The following ADAMTSL1 variants were observed in gnomAD, a reference collection of about 807,000 sequenced individuals.
ADAMTSL1 encodes the protein ADAMTS like 1.
A neutral mutation model predicts 201.8 loss-of-function variants in ADAMTSL1; 126 were observed. That is an observed-to-expected ratio of 0.62 (90% CI 0.54 to 0.72). The LOEUF is 0.72. ADAMTSL1 is among the 30% of genes least tolerant of loss of function. The pLI, the probability that ADAMTSL1 is intolerant of heterozygous loss-of-function variation, is 0.00. For synonymous variants in ADAMTSL1, 1,121 were observed against 903.4 expected, an observed-to-expected ratio of 1.24 and a Z score of -4.32; for missense variants, 2,679 against 2,277.8, an observed-to-expected ratio of 1.18 and a Z score of -3.59.
At chr9:18,279,812 G>T (rs1832716509) in intron 2 of ADAMTSL1, among the ~76,000 whole-genome samples, 1 of 152,188 alleles carries the variant, frequency 6.6e-6, no homozygotes, top group Admixed American at 6.5e-5. Context: ...ACAGGTGCCA[G>T]CCTGGCACTA....
At chr9:18,065,935 C>T (rs971192473) in intron 1 of ADAMTSL1, among the ~76,000 whole-genome samples, 8 of 137,856 alleles carry the variant, frequency 5.8e-5, no homozygotes, top group African/African-American at 8.4e-5. Context: ...GAGCCGAGAT[C>T]GCCCCCACTG....
At chr9:18,405,230 T>A (rs552707926) in intron 2 of ADAMTSL1, among the ~76,000 whole-genome samples, 1 of 152,312 alleles carries the variant, frequency 6.6e-6, no homozygotes, top group Non-Finnish European at 1.5e-5. Flanking sequence ...GACTTTCTGA[T>A]CATGCCAGCC....
At chr9:18,568,710 T>C (rs1476869416) in intron 3 of ADAMTSL1, among the ~76,000 whole-genome samples, 1 of 146,410 alleles carries the variant, frequency 6.8e-6, no homozygotes, top group African/African-American at 2.5e-5. Context: ...AGAGGAAAAT[T>C]AAGTCAGAAG....
intron 2 of ADAMTSL1, among the ~76,000 whole-genome samples, chr9:18,307,106 C>T (rs555967347): frequency 5.9e-5 from 9 of 152,072 alleles, no homozygotes; most frequent in East Asian, 5.8e-4. Context: ...GCTTCATAAG[C>T]GAAGGGGAAA....
chr9:18,898,634 T>G (rs1388465459), intron 26 of ADAMTSL1, among the ~76,000 whole-genome samples: 1 of 152,188 alleles, frequency 6.6e-6, no homozygotes, highest in Non-Finnish European at 1.5e-5. Context: ...TCAAGTTGGC[T>G]TCATCCCTGG....
At chr9:18,059,002 T>G (rs10963421) in intron 1 of ADAMTSL1, among the ~76,000 whole-genome samples, 69,188 of 152,084 alleles carry the variant, frequency 0.45, 16,305 homozygotes, top group South Asian at 0.53. Context: ...CATTCTCATT[T>G]AAGCCTAAGC....
chr9:18,543,309 C>A (rs562584717), intron 3 of ADAMTSL1, among the ~76,000 whole-genome samples: 1 of 151,306 alleles, frequency 6.6e-6, no homozygotes, highest in African/African-American at 2.4e-5. Flanking sequence ...GGCAACACAT[C>A]TGCAAAAAAT....
chr9:18,712,063 A>C (rs1423823991), intron 14 of ADAMTSL1, among the ~76,000 whole-genome samples: 2 of 150,876 alleles, frequency 1.3e-5, no homozygotes, highest in African/African-American at 4.9e-5. Flanking sequence ...AAACTAACAA[A>C]CAGAAAGGAC....
chr9:18,512,618 A>C, intron 2 of ADAMTSL1, among the ~76,000 whole-genome samples: 1 of 152,172 alleles, frequency 6.6e-6, no homozygotes, highest in East Asian at 1.9e-4. Context: ...AATTTACCAA[A>C]TTATTAATTT....
intron 2 of ADAMTSL1, among the ~76,000 whole-genome samples, chr9:18,274,738 G>T (rs7869664): frequency 5.3e-5 from 8 of 152,132 alleles, no homozygotes; most frequent in African/African-American, 1.7e-4. Flanking sequence ...GAGGCAAATC[G>T]TTGCAAAAGA....
chr9:18,074,584 TTTG>T (rs1043509607), intron 1 of ADAMTSL1, among the ~76,000 whole-genome samples: 13 of 151,552 alleles, frequency 8.6e-5, no homozygotes, highest in African/African-American at 3.2e-4. Context: ...TCTTTCTTTT[TTTG>T]TTGTTGTTGT....
At chr9:18,119,284 A>T (rs1772688836) in intron 1 of ADAMTSL1, among the ~76,000 whole-genome samples, 1 of 149,772 alleles carries the variant, frequency 6.7e-6, no homozygotes, top group African/African-American at 2.4e-5. Context: ...CTTCCTGAAT[A>T]TTTTTTTTTT....
intron 1 of ADAMTSL1, among the ~76,000 whole-genome samples, chr9:18,148,224 A>C (rs1370359208): frequency 6.6e-6 from 1 of 152,008 alleles, no homozygotes; most frequent in African/African-American, 2.4e-5. Context: ...GAAGGGAAAA[A>C]AGCTCACATT....
chr9:18,540,205 A>G (rs1377873657), intron 3 of ADAMTSL1, among the ~76,000 whole-genome samples: 1 of 152,240 alleles, frequency 6.6e-6, no homozygotes, highest in African/African-American at 2.4e-5. Flanking sequence ...GCACTGGCGT[A>G]TAATATTAAC....
intron 16 of ADAMTSL1, among the ~76,000 whole-genome samples, chr9:18,757,186 T>G (rs1819820385): frequency 6.6e-6 from 1 of 152,250 alleles, no homozygotes; most frequent in Non-Finnish European, 1.5e-5. Context: ...CCTTACCAAT[T>G]TATTAATAGC....
chr9:18,036,957 A>G (rs576001024), intron 1 of ADAMTSL1, among the ~76,000 whole-genome samples: 2 of 152,224 alleles, frequency 1.3e-5, no homozygotes, highest in African/African-American at 2.4e-5. Flanking sequence ...CATCTAACCA[A>G]TCTGTGCTTT....
At chr9:18,215,611 A>G (rs1269006271) in intron 2 of ADAMTSL1, among the ~76,000 whole-genome samples, 1 of 152,200 alleles carries the variant, frequency 6.6e-6, no homozygotes, top group Non-Finnish European at 1.5e-5. Flanking sequence ...TCATAGAGGT[A>G]TATTTGTCAA....
chr9:18,181,397 G>A (rs1828468684), intron 2 of ADAMTSL1, among the ~76,000 whole-genome samples: 1 of 151,992 alleles, frequency 6.6e-6, no homozygotes, highest in African/African-American at 2.4e-5. Flanking sequence ...TCTGACCAAG[G>A]GGTAATATCC....
At chr9:18,797,545 A>T (rs1357697228) in intron 20 of ADAMTSL1, among the ~76,000 whole-genome samples, 4 of 152,150 alleles carry the variant, frequency 2.6e-5, no homozygotes, top group Admixed American at 2.0e-4. Context: ...TTTACTTCAA[A>T]TGTATGCATG....
Sources: gnomAD v4.1 joint callset for allele counts (sites outside exome capture counted in the v4.1 genomes callset) on GRCh38, gnomAD v4.1.1 for gene constraint, MANE v1.5 for transcripts, NCBI Gene and HGNC (gene_info 2026-07-23, HGNC 2026-07-21) for gene names.